The following PLEKHO1 variants were observed in gnomAD, a reference collection of about 807,000 sequenced individuals.
PLEKHO1 encodes pleckstrin homology domain containing O1.
In PLEKHO1, 22 loss-of-function variants were observed where a neutral mutation model predicts 41.4. The observed-to-expected ratio is 0.53, with a 90% CI of 0.38 to 0.76. The LOEUF (loss-of-function observed/expected upper bound fraction) is 0.76. Among genes scored for constraint, PLEKHO1 ranks in the 30% least tolerant of loss-of-function variants. The pLI, the probability that PLEKHO1 is intolerant of heterozygous loss-of-function variation, is 0.00. For missense variants in PLEKHO1, 488 were observed against 518.3 expected, an observed-to-expected ratio of 0.94 and a Z score of 0.57; for synonymous variants, 225 against 210.8, an observed-to-expected ratio of 1.07 and a Z score of -0.58.
intron 2 of PLEKHO1, chr1:150,155,152 G>A (rs1660113323): frequency 6.6e-6 from 1 of 152,238 alleles, no homozygotes; most frequent in Non-Finnish European, 1.5e-5. Context: ...CCTGCTAAAG[G>A]TGGAACCAGA....
chr1:150,158,787 G>GC (rs143570918), intron 5 of PLEKHO1, 32 bp from the exon 6 acceptor site: 217,994 of 1,460,556 alleles, frequency 0.15, 17,938 homozygotes, highest in Non-Finnish European at 0.17. Flanking sequence ...CCTGATGACA[G>GC]GTTCCCCACT....
chr1:150,152,688 T>TAAAAAAAAAAAAAAAAAA lies in PLEKHO1; in HGVS notation c.177+1637_177+1654dup. ...TCCACAATTTTCTGGCTTTCTAAATTAAAAAAAAAAAAAAAAAAAAAAAAC... is the reference window on the plus strand; with the variant it reads ...TCCACAATTTTCTGGCTTTCTAAATTAAAAAAAAAAAAAAAAAAAAAAAAAAAAAAAAAAAAAAAAAAC... On this transcript the variant is annotated intron_variant, in intron 2 of 5. Transcript: ENST00000369124. 2.7e-5 allele frequency: 2 copies of TAAAAAAAAAAAAAAAAAA among 74,024 alleles called. 1 individual carries two copies. The allele number at this position is 74,024 out of a possible 1,614,324, so 4.6% of individuals were successfully genotyped here. A position where few individuals can be genotyped will look rare whatever the true frequency, so the allele number is the denominator to read the frequency against.
Position 150,157,504 on chromosome 1 carries a change from A to C in PLEKHO1, c.525+18A>C, listed in dbSNP as rs987992665. The stretch of plus-strand genomic sequence containing the variant: ...TGGCTGTGGTATGTAAGACTGTAAT[A>C]AACATTGCCAAAGGGCCAATTCTGT... On this transcript the variant is annotated intron_variant, in intron 5 of 5. Coordinates refer to ENST00000369124, the MANE Select transcript of PLEKHO1 (RefSeq NM_016274.6). 13 of 1,541,276 alleles carry C rather than the reference A, an allele frequency of 8.4e-6. No homozygotes were observed. The highest frequency in any genetic ancestry group is 1.1e-5 in the Non-Finnish European group (12 of 1,114,388).
chr1:150,150,327 G>C (rs1553818414), intron 1 of PLEKHO1, 40 bp downstream of exon 1: 1 of 988,442 alleles, frequency 1.0e-6, no homozygotes, highest in South Asian at 3.9e-5. Context: ...CGCCGCCTCC[G>C]CGCTCTGACG....
intron 1 of PLEKHO1, chr1:150,150,538 G>C (rs1444863140): frequency 2.4e-5 from 4 of 166,058 alleles, no homozygotes; most frequent in Non-Finnish European, 5.2e-5. Flanking sequence ...CCGGGCGAGC[G>C]TTTGCCTCGC....
chr1:150,159,015 C>T lies in PLEKHO1; in HGVS notation c.722C>T (p.Ser241Phe). The part of the protein sequence containing the change: ...QPSADRASSL[S>F]RPWEKTDKGA... ...TCCGCAGACCGGGCAAGCAGTCTCT[C>T]CCGACCTTGGGAAAAAACAGACAAA... Residue 241 changes from serine (S) to phenylalanine (F), a missense_variant, in exon 6 of 6, where the codon TCC (serine) becomes TTC (phenylalanine). Physicochemically the swap from Ser to Phe is radical, Grantham distance 155. Around this residue, in one of 3 missense-constraint regions of PLEKHO1, gnomAD observed 337 missense variants for 324.6 expected, o/e 1.04. Transcript: ENST00000369124. 6.2e-7 allele frequency: 1 copy of T among 1,614,140 alleles called. No homozygotes were observed. The highest frequency in any genetic ancestry group is 2.2e-5 in the East Asian group (1 of 44,874).
At chr1:150,155,943 C>A in intron 2 of PLEKHO1, 123 bp from the exon 3 acceptor site, 1 of 852,728 alleles carries the variant, frequency 1.2e-6, no homozygotes, top group Non-Finnish European at 1.9e-6. Flanking sequence ...ACGGCCCTCT[C>A]CTCTCCTGGC....
In PLEKHO1 at chr1:150,159,300, C is replaced by T. The variant is rs1553821497; in HGVS notation, c.1007C>T (p.Ala336Val). The change falls in exon 6 of 6, where the codon GCC becomes GTC. Residue 336 changes from alanine (A) to valine (V), a missense_variant. Physicochemically the swap from Ala to Val is moderately conservative, Grantham distance 64. This residue lies in a region of PLEKHO1 where 337 missense variants were observed against 324.6 expected (regional missense o/e 1.04). Coordinates refer to ENST00000369124, the MANE Select transcript of PLEKHO1 (RefSeq NM_016274.6). ...GGACTGGGAGATGGGAAGCGAAAGG[C>T]CAAGGACCCCCCTCGGTCTCCGCCG... ...VQGLGDGKRK[A>V]KDPPRSPPDS... The T allele has an allele frequency of 2.5e-6, 4 of 1,614,132 alleles. No individual in the cohort carries two copies. Among genetic ancestry groups the T allele is most frequent in the Non-Finnish European group, 3.4e-6 (4 of 1,180,004 alleles).
chr1:150,159,026 GA>G lies in PLEKHO1; in HGVS notation c.739del (p.Thr247GlnfsTer15). The part of the protein sequence containing the change: ...DRASSLSRPW[E>X]KTDKGATYTP... ...GGCAAGCAGTCTCTCCCGACCTTGG[GA>G]AAAAACAGACAAAGGGGCCACCTAC... On this transcript the variant is annotated frameshift_variant, in exon 6 of 6. Transcript: ENST00000369124. LOFTEE classifies it high-confidence loss of function. The G allele has an allele frequency of 6.2e-7, 1 of 1,614,000 alleles. No homozygotes were observed. The highest frequency in any genetic ancestry group is 8.5e-7 in the Non-Finnish European group (1 of 1,179,956).
chr1:150,154,616 G>A (rs1660091460), intron 2 of PLEKHO1: 1 of 152,232 alleles, frequency 6.6e-6, no homozygotes, highest in African/African-American at 2.4e-5. Flanking sequence ...GAGGATAGAT[G>A]AGTTCACCTC....
At position 150,157,439 on chromosome 1, in the gene PLEKHO1, A is replaced by G. The variant is rs1253434738; in HGVS notation, c.478A>G (p.Ile160Val). Reference protein sequence around the residue: ...LAHPTRDRAKIQHSRRPPTRG... With the variant: ...LAHPTRDRAKVQHSRRPPTRG... ...CCATCCCACTCGAGACAGGGCAAAA[A>G]TCCAGCACTCCCGCCGCCCCCCAAC... is the stretch of plus-strand genomic sequence containing the variant. The change falls in exon 5 of 6, where the codon ATC (isoleucine) becomes GTC (valine). Residue 160 changes from isoleucine to valine, a missense_variant. By Grantham distance (29) the Ile-to-Val change is conservative. Transcript: ENST00000369124. 6.2e-7 allele frequency: 1 copy of G among 1,613,930 alleles called. No individual in the cohort carries two copies. Among genetic ancestry groups the G allele is most frequent in the African/African-American group, 1.3e-5 (1 of 74,894 alleles).
intron 5 of PLEKHO1, among the ~76,000 whole-genome samples, chr1:150,158,512 C>G (rs1017638073): frequency 7.6e-5 from 9 of 118,298 alleles, no homozygotes; most frequent in African/African-American, 3.0e-4. Context: ...ATGGTGAAAC[C>G]CTGCCTCTGC....
chr1:150,157,390 C>G lies in PLEKHO1; in HGVS notation c.429C>G (p.Thr143=). 1 of 1,612,064 alleles carries G rather than the reference C, an allele frequency of 6.2e-7. No individual in the cohort carries two copies. The highest frequency in any genetic ancestry group is 1.7e-5 in the Admixed American group (1 of 60,026). The change falls in exon 5 of 6, where the codon ACC becomes ACG. Residue 143 remains threonine, a synonymous_variant. Coordinates refer to ENST00000369124, the MANE Select transcript of PLEKHO1 (RefSeq NM_016274.6). ...RAKNRILDEV[T]VEEDSYLAHP... The stretch of plus-strand genomic sequence containing the variant: ...TTCACAGTACATCTCTTCAGGTCAC[C>G]GTTGAGGAGGACAGCTATCTTGCCC...
intron 5 of PLEKHO1, among the ~76,000 whole-genome samples, chr1:150,158,234 G>T (rs140464876): frequency 1.3e-5 from 2 of 152,192 alleles, no homozygotes; most frequent in Non-Finnish European, 2.9e-5. Context: ...TAATTGCTGA[G>T]AGTCCACAAT....
At chr1:150,156,001 C>T (rs1553820299) in intron 2 of PLEKHO1, 65 bp from the exon 3 acceptor site, 1 of 1,458,074 alleles carries the variant, frequency 6.9e-7, no homozygotes, top group African/African-American at 1.4e-5. Flanking sequence ...ATGATCTAAA[C>T]TAACAGTCTG....
intron 5 of PLEKHO1, 57 bp from the exon 6 acceptor site, chr1:150,158,762 A>G (rs1660281849): frequency 3.3e-6 from 4 of 1,224,010 alleles, no homozygotes; most frequent in African/African-American, 3.0e-5. Flanking sequence ...TTAGGCAGTC[A>G]TTCCGAAAAT....
intron 5 of PLEKHO1, 72 bp from the exon 6 acceptor site, chr1:150,158,747 A>G: frequency 9.8e-7 from 1 of 1,024,878 alleles, no homozygotes; most frequent in South Asian, 1.5e-5. Flanking sequence ...CACAGCTTGC[A>G]TCTTTTAGGC....
chr1:150,156,475 T>G (rs1660175869), intron 3 of PLEKHO1, among the ~76,000 whole-genome samples: 1 of 152,236 alleles, frequency 6.6e-6, no homozygotes, highest in Non-Finnish European at 1.5e-5. Context: ...TCCACACATG[T>G]GCATATTTAC....
intron 2 of PLEKHO1, 62 bp downstream of exon 2, chr1:150,151,120 G>A (rs1659909839): frequency 6.3e-7 from 1 of 1,587,278 alleles, no homozygotes; most frequent in South Asian, 1.1e-5. Flanking sequence ...CACTCCCCAA[G>A]GGCTCGCCTA....
Sources: gnomAD v4.1 joint callset for allele counts (sites outside exome capture counted in the v4.1 genomes callset) on GRCh38, gnomAD v4.1.1 for gene constraint, gnomAD v4.1.1 regional missense constraint, MANE v1.5 for transcripts, NCBI Gene and HGNC (gene_info 2026-07-23, HGNC 2026-07-21) for gene names.